Variants in EDIL3 observed in about 807,000 individuals in gnomAD.
EDIL3 encodes EGF like and discoidin domains 3, also known as EGF-like repeat and discoidin I-like domain-containing protein 3.
Under a neutral mutation model 67.4 loss-of-function variants are expected in EDIL3, and 37 were observed. That is an observed-to-expected ratio of 0.55 (90% CI 0.42 to 0.72). EDIL3 has a LOEUF of 0.72. EDIL3 is among the 30% of genes least tolerant of loss of function. The pLI is 0.00. For missense variants in EDIL3, 527 were observed against 586.3 expected (o/e 0.90, Z 1.04); for synonymous variants, 195 against 196.3 (o/e 0.99, Z 0.05).
chr5:84,293,779 GT>G (rs1044967360), intron 1 of EDIL3, among the ~76,000 whole-genome samples: 193 of 140,730 alleles, frequency 1.4e-3, no homozygotes, highest in East Asian at 1.9e-3. Flanking sequence ...GATTAAGACT[GT>G]TTTTTTTTTT....
In EDIL3 at chr5:84,091,939, G is replaced by A. The variant is rs562606207; in HGVS notation, c.651+14710C>T. On this transcript the variant is annotated intron_variant, in intron 6 of 10. Coordinates refer to ENST00000296591, the MANE Select transcript of EDIL3 (RefSeq NM_005711.5). ...CTTTTGTTGAGATAGTTTCAGATTCGCAAGGGAATACTGGAGAGTGCATTT... is the reference window on the plus strand; with the variant it reads ...CTTTTGTTGAGATAGTTTCAGATTCACAAGGGAATACTGGAGAGTGCATTT... 1.3e-4 allele frequency among the ~76,000 whole-genome samples: 20 copies of A among 152,238 alleles called. No individual in the cohort carries two copies. In the South Asian group the frequency reaches 3.5e-3, roughly 27 times the overall value.
intron 4 of EDIL3, among the ~76,000 whole-genome samples, chr5:84,151,635 C>A (rs1230258317): frequency 6.6e-6 from 1 of 152,114 alleles, no homozygotes; most frequent in Non-Finnish European, 1.5e-5. Context: ...AAATTAGTAT[C>A]ATTGCAAGAT....
At chr5:84,106,617 T>C (rs370960872) in intron 6 of EDIL3, 32 bp downstream of exon 6, 6 of 1,528,776 alleles carry the variant, frequency 3.9e-6, no homozygotes, top group African/African-American at 1.4e-5. Flanking sequence ...AAATGACTTA[T>C]AACATTAACC....
At chr5:83,988,035 C>G (rs1561394928) in intron 9 of EDIL3, among the ~76,000 whole-genome samples, 2 of 152,028 alleles carry the variant, frequency 1.3e-5, no homozygotes, top group Non-Finnish European at 2.9e-5. Context: ...TTTCTGACTA[C>G]ACAGGATGTA....
At chr5:84,220,527 A>T (rs901580648) in intron 3 of EDIL3, among the ~76,000 whole-genome samples, 1 of 152,206 alleles carries the variant, frequency 6.6e-6, no homozygotes, top group African/African-American at 2.4e-5. Flanking sequence ...AAGTATAGAA[A>T]AATAACCATG....
intron 9 of EDIL3, among the ~76,000 whole-genome samples, chr5:84,054,750 A>T (rs1704409389): frequency 6.6e-6 from 1 of 151,920 alleles, no homozygotes. Flanking sequence ...TCCAACTTAC[A>T]AGGGATGTGA....
intron 1 of EDIL3, among the ~76,000 whole-genome samples, chr5:84,354,312 AAAT>A (rs1332058423): frequency 6.6e-6 from 1 of 152,138 alleles, no homozygotes; most frequent in East Asian, 1.9e-4. Context: ...AGTCAGCTAA[AAAT>A]AATTTTTTAA....
Position 84,106,538 on chromosome 5 carries a change from T to G in EDIL3, c.651+111A>C. 3.0e-6 allele frequency: 4 copies of G among 1,325,136 alleles called. No individual in the cohort carries two copies. The South Asian group carries it at 5.5e-5, about 18-fold the overall frequency. The allele number at this position is 1,325,136 out of a possible 1,614,324, so 82.1% of individuals were successfully genotyped here. ...AACTCTTCACTAAATTACCCTTTCC[T>G]CTGACCATAAGGAAGAGTCACACTG... On this transcript the variant is annotated intron_variant, in intron 6 of 10. Transcript: ENST00000296591.
chr5:84,213,500 T>C (rs1359056867), intron 3 of EDIL3, among the ~76,000 whole-genome samples: 1 of 152,206 alleles, frequency 6.6e-6, no homozygotes, highest in Non-Finnish European at 1.5e-5. Context: ...TTTTAATTCT[T>C]CGTTTTTACT....
intron 1 of EDIL3, among the ~76,000 whole-genome samples, chr5:84,276,052 CT>C (rs925319896): frequency 1.3e-5 from 2 of 152,138 alleles, no homozygotes; most frequent in African/African-American, 4.8e-5. Flanking sequence ...TGGGATCTCT[CT>C]TACAGTCCTG....
intron 1 of EDIL3, among the ~76,000 whole-genome samples, chr5:84,358,116 C>T (rs1031675528): frequency 4.6e-5 from 7 of 151,986 alleles, no homozygotes; most frequent in African/African-American, 1.5e-4. Context: ...ACATGGGAAC[C>T]CCAGAATTTG....
intron 1 of EDIL3, among the ~76,000 whole-genome samples, chr5:84,269,468 G>T (rs768120946): frequency 3.3e-5 from 5 of 151,976 alleles, no homozygotes; most frequent in Non-Finnish European, 5.9e-5. Context: ...TCTCAATAAA[G>T]AATACTACTA....
At chr5:84,107,283 G>T (rs1747482116) in intron 5 of EDIL3, among the ~76,000 whole-genome samples, 2 of 151,490 alleles carry the variant, frequency 1.3e-5, no homozygotes, top group South Asian at 4.1e-4. Context: ...TACTAATTTA[G>T]CATTTCTCAC....
At chr5:84,372,359 T>C (rs995829469) in intron 1 of EDIL3, among the ~76,000 whole-genome samples, 52 of 152,158 alleles carry the variant, frequency 3.4e-4, no homozygotes, top group African/African-American at 1.2e-3. Flanking sequence ...TACACAATTA[T>C]GAGTATATTA....
chr5:84,281,312 A>T (rs896109826), intron 1 of EDIL3, among the ~76,000 whole-genome samples: 4 of 152,220 alleles, frequency 2.6e-5, no homozygotes, highest in Admixed American at 1.3e-4. Context: ...TTGACTACAA[A>T]TGGAGAAATG....
intron 3 of EDIL3, among the ~76,000 whole-genome samples, chr5:84,188,166 T>A (rs1580368024): frequency 6.6e-6 from 1 of 152,002 alleles, no homozygotes; most frequent in African/African-American, 2.4e-5. Context: ...AAGAAGGCAC[T>A]GAGATGACCA....
At chr5:84,311,745 G>C (rs976722786) in intron 1 of EDIL3, among the ~76,000 whole-genome samples, 1 of 152,086 alleles carries the variant, frequency 6.6e-6, no homozygotes, top group Admixed American at 6.5e-5. Flanking sequence ...CTTGAGATTA[G>C]GGAGTGGTGA....
At chr5:84,323,025 C>T (rs1746681478) in intron 1 of EDIL3, among the ~76,000 whole-genome samples, 1 of 152,020 alleles carries the variant, frequency 6.6e-6, no homozygotes, top group Admixed American at 6.6e-5. Context: ...ACCTGAGGGA[C>T]CTCATCAGGA....
At chr5:84,336,698 A>G (rs1746993921) in intron 1 of EDIL3, among the ~76,000 whole-genome samples, 1 of 152,186 alleles carries the variant, frequency 6.6e-6, no homozygotes, top group Admixed American at 6.6e-5. Context: ...GTCTTTAACT[A>G]AGACATATTT....
Sources: allele counts gnomAD v4.1 joint callset (sites outside exome capture counted in the v4.1 genomes callset), GRCh38; gene constraint gnomAD v4.1.1; transcripts MANE v1.5; gene names NCBI Gene and HGNC (gene_info 2026-07-23, HGNC 2026-07-21).